RTN1: variants seen among roughly 807,000 people sequenced by gnomAD.
The protein encoded by RTN1 is reticulon-1.
In RTN1, 25 loss-of-function variants were observed where a neutral mutation model predicts 65.5. The ratio of observed to expected loss-of-function variants is 0.38; its 90% CI spans 0.28 to 0.53. The LOEUF is 0.53. Ranked by LOEUF, RTN1 falls within the 20% of genes least tolerant of loss-of-function variation. The pLI is 0.79. For missense variants in RTN1, 983 were observed against 1,025.4 expected (o/e 0.96, Z 0.57); for synonymous variants, 471 against 447.6 (o/e 1.05, Z -0.66).
intron 3 of RTN1, among the ~76,000 whole-genome samples, chr14:59,639,146 T>C (rs536807400): frequency 6.6e-6 from 1 of 152,302 alleles, no homozygotes; most frequent in Admixed American, 6.5e-5. Context: ...GCCAGTTGGT[T>C]GAGCAGTCAG....
intron 3 of RTN1, among the ~76,000 whole-genome samples, chr14:59,675,585 TAATACAATTTTATAATAATTTA>T (rs1883610868): frequency 2.3e-4 from 35 of 149,692 alleles, no homozygotes; most frequent in Admixed American, 1.8e-3. Flanking sequence ...TATAATTTAA[TAATACAATTTTATAATAATTTA>T]ATAATAAATT....
intron 1 of RTN1, among the ~76,000 whole-genome samples, chr14:59,850,051 C>T (rs1240120744): frequency 1.3e-5 from 2 of 152,154 alleles, no homozygotes; most frequent in African/African-American, 4.8e-5. Flanking sequence ...TTCACCCTCA[C>T]TTCTGCTTCT....
At chr14:59,779,770 T>TC (rs771406690) in intron 1 of RTN1, among the ~76,000 whole-genome samples, 29 of 152,136 alleles carry the variant, frequency 1.9e-4, no homozygotes, top group Non-Finnish European at 4.1e-4. Context: ...GGCCCAGCTC[T>TC]CTGCATACAC....
At chr14:59,651,604 A>G (rs2140199663) in intron 3 of RTN1, among the ~76,000 whole-genome samples, 1 of 152,074 alleles carries the variant, frequency 6.6e-6, no homozygotes, top group South Asian at 2.1e-4. Flanking sequence ...TGAGCATGGT[A>G]GCAGGCACCT....
chr14:59,639,049 T>C (rs547801480), intron 3 of RTN1, among the ~76,000 whole-genome samples: 1 of 152,180 alleles, frequency 6.6e-6, no homozygotes, highest in African/African-American at 2.4e-5. Flanking sequence ...TAGAAGCCAC[T>C]GTAGGGTTAT....
intron 1 of RTN1, among the ~76,000 whole-genome samples, chr14:59,838,893 A>G (rs1161792158): frequency 1.3e-5 from 2 of 152,182 alleles, no homozygotes; most frequent in African/African-American, 2.4e-5. Flanking sequence ...AAAATGTCCT[A>G]TGAATTTGTC....
At chr14:59,696,884 C>T (rs1468715916) in intron 3 of RTN1, among the ~76,000 whole-genome samples, 1 of 152,066 alleles carries the variant, frequency 6.6e-6, no homozygotes, top group African/African-American at 2.4e-5. Flanking sequence ...TAACTGCTCT[C>T]ATAGGGGGGA....
rs185501871 is a variant in RTN1, at chr14:59,749,573, A to C, written c.242-3092T>G. 8.9e-3 allele frequency among the ~76,000 whole-genome samples: 271 copies of C among 30,398 alleles called. 16 individuals carry two copies. The highest frequency in any genetic ancestry group is 0.038 in the African/African-American group (143 of 3,790). The allele number at this position is 30,398 out of a possible 152,430, so 19.9% of individuals were successfully genotyped here. ...TATATAGATATCTATATATAGATAT[A>C]TATATATAGATATTTATATATATAT... is the stretch of plus-strand genomic sequence containing the variant. On this transcript the variant is annotated intron_variant, in intron 1 of 8. Transcript: ENST00000267484.
intron 1 of RTN1, among the ~76,000 whole-genome samples, chr14:59,864,213 G>A (rs909156586): frequency 3.9e-5 from 6 of 151,968 alleles, no homozygotes; most frequent in South Asian, 2.1e-4. Flanking sequence ...CCTCTCTACC[G>A]CTGACCCTTT....
rs2139639431 is a variant in RTN1 at position 59,829,916 on chromosome 14, T to C, written c.241+40474A>G. 6.6e-6 allele frequency among the ~76,000 whole-genome samples: 1 copy of C among 152,278 alleles called. No homozygotes were observed. Among genetic ancestry groups the C allele is most frequent in the East Asian group, 1.9e-4 (1 of 5,186 alleles). The stretch of plus-strand genomic sequence containing the variant: ...TTTCTCAAATAGCATTCATGAATAT[T>C]GTACCCAAGGACACAAACTGTATGC... On this transcript the variant is annotated intron_variant, in intron 1 of 8. Transcript: ENST00000267484. The surrounding 1 kb of genome is among the most constrained non-coding windows in gnomAD (Gnocchi z 4.3).
intron 3 of RTN1, among the ~76,000 whole-genome samples, chr14:59,622,489 C>A (rs530254143): frequency 6.7e-6 from 1 of 149,598 alleles, no homozygotes; most frequent in African/African-American, 2.4e-5. Context: ...GATTTAACTA[C>A]AATAATTGAC....
chr14:59,723,485 T>C (rs540374803), intron 3 of RTN1, among the ~76,000 whole-genome samples: 29 of 149,740 alleles, frequency 1.9e-4, no homozygotes, highest in South Asian at 4.3e-4. Flanking sequence ...GTGGTGGTGG[T>C]GGGCGCCTGT....
intron 1 of RTN1, among the ~76,000 whole-genome samples, chr14:59,820,649 A>T (rs1886927387): frequency 6.6e-6 from 1 of 152,110 alleles, no homozygotes; most frequent in Non-Finnish European, 1.5e-5. Context: ...AGCACCATTT[A>T]TTGAATAGAG....
Position 59,794,105 on chromosome 14 carries a change from T to C in RTN1, c.242-47624A>G, listed in dbSNP as rs1886399449. ...GCTGACTGGCTTAAGTTGATCAGAA[T>C]GGTACCATCTCCTTTACCACAATTA... On this transcript the variant is annotated intron_variant, in intron 1 of 8. Coordinates refer to ENST00000267484, the MANE Select transcript of RTN1 (RefSeq NM_021136.3). The surrounding 1 kb of genome is among the most constrained non-coding windows in gnomAD (Gnocchi z 5.1). Among the ~76,000 whole-genome samples the C allele has an allele frequency of 6.6e-6, 1 of 152,184 alleles. No individual in the cohort carries two copies. The highest frequency in any genetic ancestry group is 1.5e-5 in the Non-Finnish European group (1 of 68,030).
At chr14:59,809,041 C>A (rs1594751495) in intron 1 of RTN1, among the ~76,000 whole-genome samples, 1 of 152,184 alleles carries the variant, frequency 6.6e-6, no homozygotes. Flanking sequence ...CTAACAAAAA[C>A]TGTTTCCAAG....
rs990013396 is a variant in RTN1, at chr14:59,746,046, T to C, written c.677A>G (p.Asp226Gly). 6 of 1,614,202 alleles carry C rather than the reference T, an allele frequency of 3.7e-6. No homozygotes were observed. Among genetic ancestry groups the C allele is most frequent in the Non-Finnish European group, 5.1e-6 (6 of 1,180,034 alleles). Reference protein sequence around the residue: ...EDKDLDFKNKDTDISIKPEGV... With the variant: ...EDKDLDFKNKGTDISIKPEGV... Reference sequence around the variant, plus strand: ...TTCAGGTTTAATTGAGATGTCAGTGTCTTTATTCTTAAAGTCCAAGTCTTT... The same window carrying C: ...TTCAGGTTTAATTGAGATGTCAGTGCCTTTATTCTTAAAGTCCAAGTCTTT... Residue 226 changes from aspartate to glycine, a missense_variant, in exon 2 of 9, where the codon GAC (aspartate) becomes GGC (glycine). Asp to Gly is a moderately conservative substitution (Grantham distance 94). Coordinates refer to ENST00000267484, the MANE Select transcript of RTN1 (RefSeq NM_021136.3).
At chr14:59,780,302 A>C (rs1453903551) in intron 1 of RTN1, among the ~76,000 whole-genome samples, 1 of 152,192 alleles carries the variant, frequency 6.6e-6, no homozygotes, top group African/African-American at 2.4e-5. Flanking sequence ...CTTATACTGA[A>C]ACCTAACCTT....
intron 1 of RTN1, among the ~76,000 whole-genome samples, chr14:59,839,901 T>C (rs768291872): frequency 3.3e-5 from 5 of 152,158 alleles, no homozygotes; most frequent in Admixed American, 6.6e-5. Context: ...TTGGTTCTTT[T>C]CTCTCATAAA....
chr14:59,732,874 G>T (rs1884928832), intron 2 of RTN1, among the ~76,000 whole-genome samples: 1 of 152,196 alleles, frequency 6.6e-6, no homozygotes. Context: ...CACTGGCTCG[G>T]AATTTCAGCC....
Sources: gnomAD v4.1 joint callset for allele counts (sites outside exome capture counted in the v4.1 genomes callset) on GRCh38, gnomAD v4.1.1 for gene constraint, Gnocchi (gnomAD v3.1) non-coding constraint, MANE v1.5 for transcripts, NCBI Gene and HGNC (gene_info 2026-07-23, HGNC 2026-07-21) for gene names.